The following BCCIP variants were observed in gnomAD, a reference collection of about 807,000 sequenced individuals.
The protein encoded by BCCIP is BRCA2 and CDKN1A-interacting protein.
BCCIP carries 23 observed loss-of-function variants against 32.8 expected under a neutral mutation model. That is an observed-to-expected ratio of 0.70 (90% confidence interval 0.51 to 0.99). BCCIP has a LOEUF of 0.99. Ranked by LOEUF, BCCIP falls within the 50% of genes least tolerant of loss-of-function variation. The probability of loss-of-function intolerance (pLI) is 0.00; values close to 1 mark genes in which losing one functional copy is unlikely to be tolerated. For missense variants in BCCIP, 378 were observed against 379.8 expected (o/e 1.00, Z 0.04); for synonymous variants, 144 against 137.6 (o/e 1.05, Z -0.33).
chr10:125,839,283 C>T, downstream of BCCIP: 3 of 1,310,518 alleles, frequency 2.3e-6, no homozygotes, highest in Non-Finnish European at 3.1e-6. Flanking sequence ...GCCCTGTGCT[C>T]TCCTCTCCTA....
downstream of BCCIP, among the ~76,000 whole-genome samples, chr10:125,840,558 C>T (rs551363044): frequency 6.6e-6 from 1 of 152,210 alleles, no homozygotes; most frequent in Non-Finnish European, 1.5e-5. Flanking sequence ...TCTGTGTCCC[C>T]CGTCACCATG....
downstream of BCCIP, chr10:125,840,852 C>T (rs1854857058): frequency 1.3e-6 from 2 of 1,590,164 alleles, no homozygotes; most frequent in African/African-American, 2.7e-5. Context: ...CTTACACTCA[C>T]TGCTAGAATT....
downstream of BCCIP, chr10:125,839,249 A>T (rs931065044): frequency 5.6e-5 from 87 of 1,546,186 alleles, no homozygotes; most frequent in Middle Eastern, 3.4e-4. Context: ...TGAAGAGCCC[A>T]GGCCAGGCAG....
intron 7 of BCCIP, among the ~76,000 whole-genome samples, chr10:125,847,945 C>T (rs765003507): frequency 2.0e-5 from 3 of 152,224 alleles, no homozygotes; most frequent in Admixed American, 6.5e-5. Context: ...CCCCACTCAC[C>T]TCCTGCTGTC....
chr10:125,830,114 T>G (rs1854488688), intron 3 of BCCIP, among the ~76,000 whole-genome samples: 1 of 152,228 alleles, frequency 6.6e-6, no homozygotes, highest in South Asian at 2.1e-4. Flanking sequence ...TTCTGGAAAC[T>G]CATGAGTTTT....
downstream of BCCIP, among the ~76,000 whole-genome samples, chr10:125,847,545 C>T (rs1944037358): frequency 6.6e-6 from 1 of 152,156 alleles, no homozygotes; most frequent in South Asian, 2.1e-4. Context: ...CAGAGGTCCC[C>T]AAACTTTTTG....
At chr10:125,832,239 T>C (rs1304643229) in intron 5 of BCCIP, among the ~76,000 whole-genome samples, 2 of 151,826 alleles carry the variant, frequency 1.3e-5, no homozygotes, top group Non-Finnish European at 2.9e-5. Flanking sequence ...AGGGTCTTGC[T>C]ACATTGCCCA....
intron 7 of BCCIP, among the ~76,000 whole-genome samples, chr10:125,848,274 T>C (rs926362388): frequency 2.6e-5 from 4 of 152,336 alleles, no homozygotes; most frequent in Non-Finnish European, 5.9e-5. Context: ...GAAAGGCTTC[T>C]GCTTCACTTA....
At chr10:125,840,761 ATGTT>A (rs1854854856), downstream of BCCIP, 2 of 1,421,944 alleles carry the variant, frequency 1.4e-6, no homozygotes, top group Non-Finnish European at 1.9e-6. Flanking sequence ...CTGGCGAAGA[ATGTT>A]TGATGAATAA....
chr10:125,835,647 G>T (rs974580376), intron 6 of BCCIP, among the ~76,000 whole-genome samples: 2 of 152,148 alleles, frequency 1.3e-5, no homozygotes, highest in Non-Finnish European at 2.9e-5. Flanking sequence ...GACCATTTGG[G>T]GGGAGTGTGT....
chr10:125,840,954 G>A (rs140700589), downstream of BCCIP: 44 of 1,611,870 alleles, frequency 2.7e-5, no homozygotes, highest in Non-Finnish European at 3.6e-5. Flanking sequence ...AGTCAAGGCA[G>A]CCTCTTCAGC....
At chr10:125,843,113 A>G (rs377269827), downstream of BCCIP, among the ~76,000 whole-genome samples, 33 of 152,178 alleles carry the variant, frequency 2.2e-4, no homozygotes, top group East Asian at 1.9e-3. Context: ...AAATCCCATA[A>G]TAGAAAGCTG....
exon 7 of BCCIP, chr10:125,842,751 T>G: frequency 1.2e-6 from 1 of 868,650 alleles, no homozygotes; most frequent in South Asian, 5.3e-5. Flanking sequence ...ATGCTAGAAA[T>G]AGTAGACAAA....
intron 3 of BCCIP, 58 bp from the exon 4 acceptor site, chr10:125,830,504 T>TTTATACTCTTGGTA: frequency 8.4e-7 from 1 of 1,186,570 alleles, no homozygotes; most frequent in Non-Finnish European, 1.2e-6. Flanking sequence ...AAGACTTGGT[T>TTTATACTCTTGGTA]TTATACTCTT....
At chr10:125,834,935 A>T (rs1310828621) in intron 6 of BCCIP, among the ~76,000 whole-genome samples, 1 of 151,390 alleles carries the variant, frequency 6.6e-6, no homozygotes, top group Non-Finnish European at 1.5e-5. Flanking sequence ...GATCGAGACC[A>T]TCCTGGCTAA....
At chr10:125,840,966 C>G (rs772727338), downstream of BCCIP, 6 of 1,607,060 alleles carry the variant, frequency 3.7e-6, no homozygotes, top group Admixed American at 1.0e-4. Context: ...CTCTTCAGCT[C>G]CATGTGGCAC....
chr10:125,838,149 C>T, downstream of BCCIP: 3 of 1,476,664 alleles, frequency 2.0e-6, no homozygotes, highest in Non-Finnish European at 2.7e-6. Flanking sequence ...TTGTCATTTA[C>T]TCCTACAGGT....
At chr10:125,841,380 A>T (rs1319872025), downstream of BCCIP, 1 of 1,612,430 alleles carries the variant, frequency 6.2e-7, no homozygotes, top group African/African-American at 1.3e-5. Flanking sequence ...ACAAGCCAGG[A>T]TGAATGAAGC....
At position 125,836,037 on chromosome 10, in the gene BCCIP, G is replaced by A. The variant is rs77575468; in HGVS notation, c.775-67G>A. The A allele has an allele frequency of 3.8e-3, 5,196 of 1,377,500 alleles. 174 individuals are homozygous for A. In the African/African-American group the frequency reaches 0.064, roughly 17 times the overall value. 85.3% of individuals were successfully genotyped at this position (1,377,500 alleles called of 1,614,324 possible). On this transcript the variant is annotated intron_variant, in intron 6 of 6. Transcript: ENST00000278100. ...TATGCCAAACGTAATATTCTTTGCC[G>A]TAGATCAAATGGGTTTTGTCTTTGG... is the stretch of plus-strand genomic sequence containing the variant.
Sources: gnomAD v4.1 joint callset for allele counts (sites outside exome capture counted in the v4.1 genomes callset) on GRCh38, gnomAD v4.1.1 for gene constraint, MANE v1.5 for transcripts, NCBI Gene and HGNC (gene_info 2026-07-23, HGNC 2026-07-21) for gene names.